KCNK2: variants seen among roughly 807,000 people sequenced by gnomAD.
KCNK2 encodes potassium channel subfamily K member 2.
In KCNK2, 21 loss-of-function variants were observed where a neutral mutation model predicts 40.5. The observed-to-expected ratio is 0.52, with a 90% CI of 0.37 to 0.75. The LOEUF (loss-of-function observed/expected upper bound fraction) is 0.75, where lower values mean the gene tolerates loss of function less well. Ranked by LOEUF, KCNK2 falls within the 30% of genes least tolerant of loss-of-function variation. The probability of loss-of-function intolerance (pLI) is 0.00; values close to 1 mark genes in which losing one functional copy is unlikely to be tolerated. For missense variants in KCNK2, 399 were observed against 531.6 expected (o/e 0.75, Z 2.45); for synonymous variants, 191 against 202.2 (o/e 0.94, Z 0.47).
At chr1:215,052,500 T>C (rs1658025724) in intron 1 of KCNK2, among the ~76,000 whole-genome samples, 1 of 152,170 alleles carries the variant, frequency 6.6e-6, no homozygotes, top group African/African-American at 2.4e-5. Context: ...AGACTTGCTA[T>C]TAGATTCAGT....
chr1:215,112,064 A>G (rs1660708769), intron 2 of KCNK2, among the ~76,000 whole-genome samples: 1 of 151,556 alleles, frequency 6.6e-6, no homozygotes, highest in Non-Finnish European at 1.5e-5. Flanking sequence ...CATGCTGCTC[A>G]GCTCTTCTTT....
At chr1:215,209,119 G>A (rs557246158) in intron 6 of KCNK2, among the ~76,000 whole-genome samples, 84 of 149,708 alleles carry the variant, frequency 5.6e-4, no homozygotes, top group African/African-American at 1.9e-3. Flanking sequence ...GAGCCACTGC[G>A]CCTGGCCCTG....
chr1:215,233,935 G>A (rs1034864229), intron 6 of KCNK2, among the ~76,000 whole-genome samples: 22 of 152,210 alleles, frequency 1.4e-4, no homozygotes, highest in African/African-American at 5.3e-4. Context: ...TGGACTCAGG[G>A]TGATCGATGG....
intron 3 of KCNK2, among the ~76,000 whole-genome samples, chr1:215,163,288 A>G (rs1663288530): frequency 6.6e-6 from 1 of 152,184 alleles, no homozygotes. Context: ...GACTTTGCTG[A>G]AGTTGCTTAT....
chr1:215,203,678 T>G (rs182383949), intron 6 of KCNK2, among the ~76,000 whole-genome samples: 18 of 152,000 alleles, frequency 1.2e-4, no homozygotes, highest in Admixed American at 1.1e-3. Flanking sequence ...TGAGGGTGTG[T>G]ATATGGCTAG....
chr1:215,172,650 ATTAT>A (rs1012210731), intron 5 of KCNK2, among the ~76,000 whole-genome samples: 6 of 151,890 alleles, frequency 4.0e-5, no homozygotes, highest in African/African-American at 2.4e-5. Flanking sequence ...GCCTTCTATT[ATTAT>A]TTATTTATTT....
At chr1:215,064,477 G>T (rs1020637072) in intron 1 of KCNK2, among the ~76,000 whole-genome samples, 2 of 152,114 alleles carry the variant, frequency 1.3e-5, no homozygotes, top group African/African-American at 4.8e-5. Flanking sequence ...TCACCTCGGT[G>T]ATGAGACTGC....
At position 215,083,532 on chromosome 1, in the gene KCNK2, G is replaced by A. The variant is rs551109554; in HGVS notation, c.46+101G>A. The A allele has an allele frequency of 2.2e-4, 189 of 876,914 alleles. No homozygotes were observed. In the South Asian group the frequency reaches 2.4e-3, roughly 11 times the overall value. The allele number at this position is 876,914 out of a possible 1,614,324, so 54.3% of individuals were successfully genotyped here. Reference sequence around the variant, plus strand: ...AAATGCCCCCTCTCAGCAAGCGGCCGTTTCCCATCTTCGCTTCGCGTCCAA... The same window carrying A: ...AAATGCCCCCTCTCAGCAAGCGGCCATTTCCCATCTTCGCTTCGCGTCCAA... On this transcript the variant is annotated intron_variant, in intron 1 of 6. Coordinates refer to ENST00000444842, the MANE Select transcript of KCNK2 (RefSeq NM_001017425.3).
intron 1 of KCNK2, among the ~76,000 whole-genome samples, chr1:215,061,417 A>G (rs550247929): frequency 3.9e-5 from 6 of 152,192 alleles, no homozygotes; most frequent in East Asian, 1.9e-4. Context: ...ATTTAGTTTC[A>G]ATGTTCCTCT....
intron 3 of KCNK2, among the ~76,000 whole-genome samples, chr1:215,166,931 T>C (rs1253281151): frequency 1.3e-5 from 2 of 151,924 alleles, no homozygotes; most frequent in Admixed American, 6.6e-5. Context: ...GAAATTAATA[T>C]AATTATTATT....
chr1:215,119,666 A>G (rs1373387406), intron 2 of KCNK2, among the ~76,000 whole-genome samples: 1 of 152,186 alleles, frequency 6.6e-6, no homozygotes, highest in East Asian at 1.9e-4. Context: ...TCAGGTAATC[A>G]TGTATTAGGA....
chr1:215,099,829 T>G (rs894941458), intron 2 of KCNK2, among the ~76,000 whole-genome samples: 38 of 152,134 alleles, frequency 2.5e-4, no homozygotes, highest in African/African-American at 8.4e-4. Flanking sequence ...AGCTAACACT[T>G]CCTTAGAGGA....
At chr1:215,007,861 A>G (rs1656241137) in intron 1 of KCNK2, among the ~76,000 whole-genome samples, 1 of 152,208 alleles carries the variant, frequency 6.6e-6, no homozygotes, top group East Asian at 1.9e-4. Context: ...ACAATAGATA[A>G]ATTTAAATTA....
intron 6 of KCNK2, among the ~76,000 whole-genome samples, chr1:215,197,444 A>C (rs1426405698): frequency 3.3e-5 from 5 of 152,078 alleles, no homozygotes; most frequent in Non-Finnish European, 5.9e-5. Flanking sequence ...CTCTGTGTGC[A>C]TGCATGAGAG....
chr1:215,114,645 G>T (rs1268686229), intron 2 of KCNK2, among the ~76,000 whole-genome samples: 1 of 152,086 alleles, frequency 6.6e-6, no homozygotes, highest in Non-Finnish European at 1.5e-5. Flanking sequence ...TATTATTTTT[G>T]CTGTCTTGAT....
chr1:215,177,940 AG>A (rs1161935016), intron 5 of KCNK2, among the ~76,000 whole-genome samples: 2 of 151,514 alleles, frequency 1.3e-5, no homozygotes, highest in Non-Finnish European at 2.9e-5. Context: ...TAATAGAAAT[AG>A]CGTTGAGTCT....
intron 1 of KCNK2, among the ~76,000 whole-genome samples, chr1:215,059,466 A>G (rs1308215085): frequency 2.0e-5 from 3 of 152,158 alleles, no homozygotes; most frequent in Non-Finnish European, 2.9e-5. Flanking sequence ...TGCTAAGTCA[A>G]TAGTCAGAAA....
intron 3 of KCNK2, among the ~76,000 whole-genome samples, chr1:215,165,937 A>G (rs1221257883): frequency 6.6e-6 from 1 of 152,196 alleles, no homozygotes; most frequent in East Asian, 1.9e-4. Context: ...AACTCTTGCT[A>G]GGTTTTCTCT....
intron 1 of KCNK2, among the ~76,000 whole-genome samples, chr1:215,060,642 T>G (rs1658333377): frequency 6.6e-6 from 1 of 152,222 alleles, no homozygotes; most frequent in African/African-American, 2.4e-5. Flanking sequence ...TCTATATTTA[T>G]CTACATGCCC....
Sources: gnomAD v4.1 joint callset for allele counts (sites outside exome capture counted in the v4.1 genomes callset) on GRCh38, gnomAD v4.1.1 for gene constraint, MANE v1.5 for transcripts, NCBI Gene and HGNC (gene_info 2026-07-23, HGNC 2026-07-21) for gene names.